Variants in BAZ2A observed in about 807,000 individuals in gnomAD.
BAZ2A encodes the protein bromodomain adjacent to zinc finger domain 2A.
Under a neutral mutation model 199.9 loss-of-function variants are expected in BAZ2A, and 34 were observed. The ratio of observed to expected loss-of-function variants is 0.17; its 90% confidence interval spans 0.13 to 0.23. The LOEUF is 0.23. Among genes scored for constraint, BAZ2A ranks in the 10% least tolerant of loss-of-function variants. BAZ2A has a pLI of 1.00. For synonymous variants in BAZ2A, 857 were observed against 883.9 expected, an observed-to-expected ratio of 0.97 and a Z score of 0.54; for missense variants, 2,002 against 2,391.1, an observed-to-expected ratio of 0.84 and a Z score of 3.39.
At chr12:56,634,861 G>C, upstream of BAZ2A, 1 of 963,016 alleles carries the variant, frequency 1.0e-6, no homozygotes, top group Non-Finnish European at 1.2e-6. Flanking sequence ...CCCGAATCCC[G>C]GGGCAGCAGG....
chr12:56,611,811 T>C lies in BAZ2A; in HGVS notation c.1571A>G (p.Glu524Gly). 6.4e-7 allele frequency: 1 copy of C among 1,560,876 alleles called. No individual in the cohort carries two copies. The highest frequency in any genetic ancestry group is 2.3e-5 in the East Asian group (1 of 44,388). ...SSFLETTADV[E>G]EITGEGLTAS... Reference sequence around the variant, plus strand: ...AGTGAGTCCTTCTCCAGTGATCTCTTCCACGTCAGCAGTGGTTTCTAGAAA... The same window carrying C: ...AGTGAGTCCTTCTCCAGTGATCTCTCCCACGTCAGCAGTGGTTTCTAGAAA... Residue 524 changes from glutamate (E) to glycine (G), a missense_variant, in exon 6 of 29, where the codon GAA becomes GGA. Transcript: ENST00000549884.
At chr12:56,615,947 A>T (rs1950706963) in intron 2 of BAZ2A, among the ~76,000 whole-genome samples, 1 of 152,176 alleles carries the variant, frequency 6.6e-6, no homozygotes, top group South Asian at 2.1e-4. Context: ...CTATGTCACC[A>T]GGCTGGAGTG....
intron 10 of BAZ2A, 84 bp downstream of exon 10, chr12:56,609,652 G>T: frequency 7.2e-7 from 1 of 1,384,526 alleles, no homozygotes; most frequent in East Asian, 2.4e-5. Flanking sequence ...TACACTCCTG[G>T]GAAATCCAGG....
At chr12:56,625,875 C>CAAAAAAAA (rs748737235) in intron 1 of BAZ2A, among the ~76,000 whole-genome samples, 1 of 55,298 alleles carries the variant, frequency 1.8e-5, no homozygotes, top group African/African-American at 6.0e-5. Flanking sequence ...AACTCCGTCT[C>CAAAAAAAA]AAAAAAAAAA....
In BAZ2A at chr12:56,602,043, T is replaced by C. The variant is rs1886534018; in HGVS notation, c.3574A>G (p.Lys1192Glu). 6.4e-7 allele frequency: 1 copy of C among 1,555,250 alleles called. No individual in the cohort carries two copies. The highest frequency in any genetic ancestry group is 1.4e-5 in the African/African-American group (1 of 73,214). The change falls in exon 20 of 29, where the codon AAA becomes GAA. Residue 1192 changes from lysine to glutamate, a missense_variant. Lys to Glu is a moderately conservative substitution (Grantham distance 56). This residue lies in a region of BAZ2A where 1,081 missense variants were observed against 1,274.7 expected (regional missense o/e 0.85). Coordinates refer to ENST00000549884, the MANE Select transcript of BAZ2A (RefSeq NM_001300905.2). Reference sequence around the variant, plus strand: ...GGTTGCATAGACCCGGGCTTAGTTTTTCGAGGTCGGCCTCGGGCCCGGGCA... The same window carrying C: ...GGTTGCATAGACCCGGGCTTAGTTTCTCGAGGTCGGCCTCGGGCCCGGGCA... ...SPARARGRPR[K>E]TKPGSMQPRH...
At chr12:56,598,847 G>A (rs1250422638) in intron 28 of BAZ2A, 21 bp downstream of exon 28, 8 of 1,605,890 alleles carry the variant, frequency 5.0e-6, no homozygotes, top group African/African-American at 1.3e-5. Context: ...AAGACCGGGC[G>A]GTTCACCCAC....
Position 56,598,426 on chromosome 12 carries a change from G to A in BAZ2A, c.*192C>T. 1.5e-6 allele frequency: 1 copy of A among 670,050 alleles called. No individual in the cohort carries two copies. 41.5% of individuals were successfully genotyped at this position (670,050 alleles called of 1,614,324 possible). A position where few individuals can be genotyped will look rare whatever the true frequency, so the allele number is the denominator to read the frequency against. ...CTCATCTCTGCACCTCTTACTTGAG[G>A]AGCAAGAGGAGGGAAGGGAGAAAGG... On this transcript the variant is annotated 3_prime_UTR_variant, in exon 29 of 29. Transcript: ENST00000549884.
At position 56,599,176 on chromosome 12, in the gene BAZ2A, C is replaced by A. The variant is rs1311214107; in HGVS notation, c.5355G>T (p.Arg1785=). 6.2e-7 allele frequency: 1 copy of A among 1,613,002 alleles called. No individual in the cohort carries two copies. The highest frequency in any genetic ancestry group is 1.3e-5 in the African/African-American group (1 of 74,912). The part of the protein sequence containing the change: ...YSEEGLSPSK[R]RRLSMRNHHS... ...GGTGGTTCCGCATAGAGAGTCGCCG[C>A]CGCTTGGAGGGGGAGAGCCCTTCTT... Residue 1785 remains arginine, a synonymous_variant, in exon 27 of 29, where the codon CGG becomes CGT. Coordinates refer to ENST00000549884, the MANE Select transcript of BAZ2A (RefSeq NM_001300905.2).
intron 7 of BAZ2A, 149 bp from the exon 8 acceptor site, chr12:56,610,666 G>T: frequency 1.5e-6 from 1 of 687,980 alleles, no homozygotes; most frequent in Non-Finnish European, 2.4e-6. Context: ...AGAGAGATAA[G>T]CTTGGCTAGA....
chr12:56,606,326 G>A lies in BAZ2A; in HGVS notation c.2194-14C>T. 2 of 1,613,788 alleles carry A rather than the reference G, an allele frequency of 1.2e-6. No individual in the cohort carries two copies. Among genetic ancestry groups the A allele is most frequent in the Non-Finnish European group, 8.5e-7 (1 of 1,179,822 alleles). The stretch of plus-strand genomic sequence containing the variant: ...CTTATTTCTGGCCTGTAAACCATAA[G>A]GGAAGTCATTTCTCCTCAAACTCTG... On this transcript the variant is annotated splice_polypyrimidine_tract_variant and intron_variant, in intron 11 of 28. Coordinates refer to ENST00000549884, the MANE Select transcript of BAZ2A (RefSeq NM_001300905.2).
At position 56,609,702 on chromosome 12, in the gene BAZ2A, G is replaced by C. The variant is rs761406093; in HGVS notation, c.2092+34C>G. On this transcript the variant is annotated intron_variant, in intron 10 of 28. Coordinates refer to ENST00000549884, the MANE Select transcript of BAZ2A (RefSeq NM_001300905.2). Reference sequence around the variant, plus strand: ...CAACATTTTAGATACCTCATGGAGGGAGCAGAATCCCAAAGTAAGAAATAC... The same window carrying C: ...CAACATTTTAGATACCTCATGGAGGCAGCAGAATCCCAAAGTAAGAAATAC... The C allele has an allele frequency of 9.4e-6, 15 of 1,590,138 alleles. No individual in the cohort carries two copies. In the East Asian group the frequency reaches 3.4e-4, roughly 36 times the overall value.
rs1183466025 is a variant in BAZ2A at position 56,609,929 on chromosome 12, C to A, written c.1899G>T (p.Gln633His). ...RDTPEGLQWVQLSAEEIPSRI... is the reference protein window; with the variant it reads ...RDTPEGLQWVHLSAEEIPSRI... ...TCGACGGGATCTCCTCTGCTGAGAG[C>A]TGCACCCACTGCAAGCCCTAAGGTA... The change falls in exon 10 of 29, where the codon CAG (glutamine) becomes CAT (histidine). Residue 633 changes from glutamine (Q) to histidine (H), a missense_variant. Around this residue, in one of 6 missense-constraint regions of BAZ2A, gnomAD observed 74 missense variants for 126.1 expected, o/e 0.59. Transcript: ENST00000549884. The A allele has an allele frequency of 1.2e-6, 2 of 1,612,180 alleles. No homozygotes were observed. The highest frequency in any genetic ancestry group is 1.7e-5 in the Admixed American group (1 of 59,936).
intron 1 of BAZ2A, among the ~76,000 whole-genome samples, chr12:56,617,958 T>C (rs1950777117): frequency 6.6e-6 from 1 of 152,206 alleles, no homozygotes; most frequent in Non-Finnish European, 1.5e-5. Context: ...CTCAAAGCCA[T>C]CTTTTTGACA....
rs943801070 is a variant in BAZ2A at position 56,603,752 on chromosome 12, C to T, written c.3039-52G>A. 6.3e-6 allele frequency: 10 copies of T among 1,595,832 alleles called. No individual in the cohort carries two copies. The East Asian group carries it at 2.2e-4, about 36-fold the overall frequency. ...GGAAGGCCAAGTGTGGTGGCTCACA[C>T]CTGTAATTCCAGCACTTTGGGAGGC... is the stretch of plus-strand genomic sequence containing the variant. On this transcript the variant is annotated intron_variant, in intron 16 of 28. Transcript: ENST00000549884.
chr12:56,602,982 C>T, intron 18 of BAZ2A, 125 bp from the exon 19 acceptor site: 1 of 1,181,646 alleles, frequency 8.5e-7, no homozygotes, highest in Non-Finnish European at 1.2e-6. Flanking sequence ...CCATCTGGGC[C>T]TAATTCAGAA....
intron 1 of BAZ2A, among the ~76,000 whole-genome samples, chr12:56,626,132 T>C (rs1007385803): frequency 3.3e-5 from 5 of 152,090 alleles, no homozygotes; most frequent in Non-Finnish European, 7.4e-5. Flanking sequence ...AGACTGATAA[T>C]AACAAGCTGG....
chr12:56,609,709 A>C, intron 10 of BAZ2A, 27 bp downstream of exon 10: 1 of 1,603,202 alleles, frequency 6.2e-7, no homozygotes, highest in Non-Finnish European at 8.5e-7. Context: ...AGGGAGCAGA[A>C]TCCCAAAGTA....
At chr12:56,613,407 A>T (rs1054536411) in intron 4 of BAZ2A, among the ~76,000 whole-genome samples, 174 bp from the exon 5 acceptor site, 3 of 152,188 alleles carry the variant, frequency 2.0e-5, no homozygotes, top group Non-Finnish European at 4.4e-5. Context: ...TAGTCATGAG[A>T]TTATAGGGAT....
chr12:56,629,769 C>T (rs1276647222), intron 1 of BAZ2A, among the ~76,000 whole-genome samples: 1 of 152,032 alleles, frequency 6.6e-6, no homozygotes, highest in Admixed American at 6.5e-5. Context: ...TCCCCACCCC[C>T]ACCCGAGGAG....
Sources: gnomAD v4.1 joint callset for allele counts (sites outside exome capture counted in the v4.1 genomes callset) on GRCh38, gnomAD v4.1.1 for gene constraint, gnomAD v4.1.1 regional missense constraint, MANE v1.5 for transcripts, NCBI Gene and HGNC (gene_info 2026-07-23, HGNC 2026-07-21) for gene names.